The following CGAS variants were observed in gnomAD, a reference collection of about 807,000 sequenced individuals.
CGAS encodes cyclic GMP-AMP synthase.
In CGAS, 31 loss-of-function variants were observed where a neutral mutation model predicts 34.0. That is an observed-to-expected ratio of 0.91 (90% CI 0.69 to 1.23). The LOEUF (loss-of-function observed/expected upper bound fraction) is 1.23. CGAS is among the 50% of genes most tolerant of loss of function. The probability of loss-of-function intolerance (pLI) is 0.00; values close to 1 mark genes in which losing one functional copy is unlikely to be tolerated. For synonymous variants in CGAS, 266 were observed against 260.0 expected (o/e 1.02, Z -0.22); for missense variants, 597 against 657.6 (o/e 0.91, Z 1.01).
At chr6:73,448,603 G>T (rs1003612274) in intron 1 of CGAS, among the ~76,000 whole-genome samples, 1 of 151,884 alleles carries the variant, frequency 6.6e-6, no homozygotes, top group African/African-American at 2.4e-5. Context: ...CCTAGAATTT[G>T]TAGTCCCAGG....
intron 2 of CGAS, among the ~76,000 whole-genome samples, chr6:73,441,714 G>A (rs1412364454): frequency 2.6e-5 from 4 of 152,118 alleles, no homozygotes; most frequent in Non-Finnish European, 5.9e-5. Flanking sequence ...GGAGTTGGGG[G>A]TTTATAAGCA....
chr6:73,433,455 A>C (rs753218194), intron 3 of CGAS, among the ~76,000 whole-genome samples: 3 of 148,892 alleles, frequency 2.0e-5, no homozygotes, highest in African/African-American at 7.4e-5. Flanking sequence ...ATGAAGACTC[A>C]CAACTCTCTA....
chr6:73,425,888 C>T (rs1450383761), intron 4 of CGAS, among the ~76,000 whole-genome samples: 7 of 152,196 alleles, frequency 4.6e-5, no homozygotes, highest in Non-Finnish European at 8.8e-5. Context: ...GCACGAGAAT[C>T]GCTTGAAGCC....
rs200205008 is a variant in CGAS, at chr6:73,428,801, C to T, written c.1125G>A (p.Trp375Ter). The T allele has an allele frequency of 2.5e-5, 41 of 1,610,868 alleles. No homozygotes were observed. The highest frequency in any genetic ancestry group is 3.4e-5 in the Non-Finnish European group (40 of 1,179,230). ...KEGNGFQEET[W>*]RLSFSHIEKE... Reference sequence around the variant, plus strand: ...TTTCGATGTGAGAGAAGGATAGCCGCCATGTTTCTTCTTAATTTCAAAAAG... The same window carrying T: ...TTTCGATGTGAGAGAAGGATAGCCGTCATGTTTCTTCTTAATTTCAAAAAG... The change falls in exon 4 of 5, where the codon TGG becomes TGA. Residue 375 changes from tryptophan (W) to a stop codon, truncating the protein, a stop_gained. Coordinates refer to ENST00000370315, the MANE Select transcript of CGAS (RefSeq NM_138441.3). LOFTEE classifies it high-confidence loss of function.
chr6:73,435,778 T>TA (rs59217000), intron 3 of CGAS, among the ~76,000 whole-genome samples: 1,968 of 137,148 alleles, frequency 0.014, 121 homozygotes, highest in Admixed American at 0.11. Flanking sequence ...GTGTCTACTT[T>TA]AAAAAAAAAA....
chr6:73,439,355 C>T (rs577106409), intron 3 of CGAS, among the ~76,000 whole-genome samples: 1 of 151,746 alleles, frequency 6.6e-6, no homozygotes, highest in East Asian at 1.9e-4. Context: ...GTAGCGGGCA[C>T]CTGTAGTCCC....
intron 3 of CGAS, among the ~76,000 whole-genome samples, chr6:73,434,867 C>T (rs1300149122): frequency 1.3e-5 from 2 of 151,928 alleles, no homozygotes; most frequent in South Asian, 4.2e-4. Flanking sequence ...AGGGTGGTTT[C>T]GAACTCTTGA....
intron 3 of CGAS, 178 bp downstream of exon 3, chr6:73,440,031 T>C: frequency 3.5e-6 from 2 of 579,030 alleles, no homozygotes; most frequent in Non-Finnish European, 6.1e-6. Context: ...TTGATATTAA[T>C]ACTACAACTT....
chr6:73,446,253 C>A (rs1770467213), intron 1 of CGAS, among the ~76,000 whole-genome samples: 1 of 150,130 alleles, frequency 6.7e-6, no homozygotes, highest in African/African-American at 2.5e-5. Context: ...TTGCTTGAAC[C>A]TAGAAGGCAG....
chr6:73,449,620 C>A (rs749118228), intron 1 of CGAS, among the ~76,000 whole-genome samples: 5 of 152,134 alleles, frequency 3.3e-5, no homozygotes, highest in Non-Finnish European at 7.3e-5. Flanking sequence ...TGAATTGATA[C>A]TTACATAATA....
At chr6:73,439,631 C>T (rs1770341431) in intron 3 of CGAS, 1 of 152,262 alleles carries the variant, frequency 6.6e-6, no homozygotes. Context: ...AAAACCCGTC[C>T]TGATCTGTGA....
At chr6:73,431,031 G>T (rs1321743763) in intron 3 of CGAS, among the ~76,000 whole-genome samples, 1 of 151,734 alleles carries the variant, frequency 6.6e-6, no homozygotes, top group Non-Finnish European at 1.5e-5. Flanking sequence ...GAATTCAGGA[G>T]GCAGAGGTTG....
rs1246947497 is a variant in CGAS at position 73,425,085 on chromosome 6, C to T, written c.*142G>A. 6 of 566,998 alleles carry T rather than the reference C, an allele frequency of 1.1e-5. No individual in the cohort carries two copies. Among genetic ancestry groups the T allele is most frequent in the African/African-American group, 3.8e-5 (2 of 52,154 alleles). 35.1% of individuals were successfully genotyped at this position (566,998 alleles called of 1,614,324 possible). A position where few individuals can be genotyped will look rare whatever the true frequency, so the allele number is the denominator to read the frequency against. Reference sequence around the variant, plus strand: ...GTCAGGCTGGTCTCAAACTCCTGACCTCAAGTGATCCGCCTGCCTCGGCCT... The same window carrying T: ...GTCAGGCTGGTCTCAAACTCCTGACTTCAAGTGATCCGCCTGCCTCGGCCT... On this transcript the variant is annotated 3_prime_UTR_variant, in exon 5 of 5. Transcript: ENST00000370315.
chr6:73,444,031 C>A (rs969597342), intron 2 of CGAS, among the ~76,000 whole-genome samples: 22 of 152,176 alleles, frequency 1.4e-4, no homozygotes, highest in Non-Finnish European at 2.8e-4. Context: ...GCTCTGTCGC[C>A]CAGGCTGGAG....
chr6:73,449,508 C>CACACACACACACACACACACACACACAA, intron 1 of CGAS, among the ~76,000 whole-genome samples: 1 of 150,386 alleles, frequency 6.6e-6, no homozygotes, highest in Admixed American at 6.6e-5. Context: ...CACACACACA[C>CACACACACACACACACACACACACACAA]AAAGTGGTTC....
chr6:73,440,452 G>C lies in CGAS; in HGVS notation c.878-7C>G. On this transcript the variant is annotated splice_polypyrimidine_tract_variant and splice_region_variant and intron_variant, in intron 2 of 4. Coordinates refer to ENST00000370315, the MANE Select transcript of CGAS (RefSeq NM_138441.3). The stretch of plus-strand genomic sequence containing the variant: ...TTCATGATGACATCTGTATCTGGTT[G>C]AACATATAAAAGAAAAGAAAGTATT... The C allele has an allele frequency of 6.3e-7, 1 of 1,587,030 alleles. No individual in the cohort carries two copies. Among genetic ancestry groups the C allele is most frequent in the Admixed American group, 1.8e-5 (1 of 55,636 alleles).
In CGAS at chr6:73,451,941, C is replaced by G. The variant is rs200213844; in HGVS notation, c.241G>C (p.Ala81Pro). The stretch of plus-strand genomic sequence containing the variant: ...TGGGCGCGCTGAGGGGCCTTTTTGG[C>G]GCGGGCCCCAGTTGCGCGGACGGGC... ...RPPVRATGAR[A>P]KKAPQRAQDT... is the part of the protein sequence containing the mutation. The change falls in exon 1 of 5, where the codon GCC (alanine) becomes CCC (proline). Residue 81 changes from alanine (A) to proline (P), a missense_variant. Ala to Pro is a conservative substitution (Grantham distance 27). This residue lies in a region of CGAS where 321 missense variants were observed against 314.3 expected (regional missense o/e 1.02). Transcript: ENST00000370315. The G allele has an allele frequency of 6.7e-7, 1 of 1,497,384 alleles. No individual in the cohort carries two copies. The highest frequency in any genetic ancestry group is 1.4e-5 in the African/African-American group (1 of 70,886). The allele number at this position is 1,497,384 out of a possible 1,614,324, so 92.8% of individuals were successfully genotyped here.
At chr6:73,441,452 A>G (rs1350349430) in intron 2 of CGAS, among the ~76,000 whole-genome samples, 3 of 152,158 alleles carry the variant, frequency 2.0e-5, no homozygotes, top group Non-Finnish European at 2.9e-5. Flanking sequence ...CCAAATCAAC[A>G]TAAGTGGTCA....
intron 3 of CGAS, among the ~76,000 whole-genome samples, chr6:73,434,477 A>G (rs551574752): frequency 6.6e-6 from 1 of 152,290 alleles, no homozygotes; most frequent in Admixed American, 6.5e-5. Flanking sequence ...TCTCAAGTAA[A>G]GGACATTCTA....
Sources: gnomAD v4.1 joint callset for allele counts (sites outside exome capture counted in the v4.1 genomes callset) on GRCh38, gnomAD v4.1.1 for gene constraint, gnomAD v4.1.1 regional missense constraint, MANE v1.5 for transcripts, NCBI Gene and HGNC (gene_info 2026-07-23, HGNC 2026-07-21) for gene names.